The following DPY19L4 variants were observed in gnomAD, a reference collection of about 807,000 sequenced individuals.
The protein encoded by DPY19L4 is probable C-mannosyltransferase DPY19L4.
DPY19L4 carries 97 observed loss-of-function variants against 102.8 expected under a neutral mutation model. The ratio of observed to expected loss-of-function variants is 0.94; its 90% CI spans 0.80 to 1.12. The LOEUF (loss-of-function observed/expected upper bound fraction) is 1.12, where lower values mean the gene tolerates loss of function less well. Among genes scored for constraint, DPY19L4 ranks in the 50% most tolerant of loss-of-function variants. The probability of loss-of-function intolerance (pLI) is 0.00; values close to 1 mark genes in which losing one functional copy is unlikely to be tolerated. For synonymous variants in DPY19L4, 252 were observed against 283.1 expected, an observed-to-expected ratio of 0.89 and a Z score of 1.10; for missense variants, 815 against 850.4, an observed-to-expected ratio of 0.96 and a Z score of 0.52.
At chr8:94,767,223 A>G (rs1812712881) in intron 11 of DPY19L4, among the ~76,000 whole-genome samples, 1 of 151,828 alleles carries the variant, frequency 6.6e-6, no homozygotes, top group African/African-American at 2.4e-5. Context: ...TCCCACGGCT[A>G]GGGATTGAGG....
intron 14 of DPY19L4, among the ~76,000 whole-genome samples, chr8:94,780,058 C>A (rs904077815): frequency 6.6e-6 from 1 of 152,062 alleles, no homozygotes; most frequent in African/African-American, 2.4e-5. Flanking sequence ...AAATTTCTGG[C>A]AAATTTTTCA....
At chr8:94,766,892 C>A (rs989225490) in intron 11 of DPY19L4, among the ~76,000 whole-genome samples, 1 of 151,282 alleles carries the variant, frequency 6.6e-6, no homozygotes, top group Non-Finnish European at 1.5e-5. Flanking sequence ...AAAAAGACAA[C>A]CAAACAAACA....
chr8:94,738,216 G>C (rs1811273701), intron 3 of DPY19L4, among the ~76,000 whole-genome samples, 153 bp from the exon 4 acceptor site: 1 of 151,294 alleles, frequency 6.6e-6, no homozygotes, highest in Admixed American at 6.6e-5. Flanking sequence ...TACTCGGGAG[G>C]CTGAGGCAGG....
intron 13 of DPY19L4, among the ~76,000 whole-genome samples, chr8:94,773,871 C>CAAAAA (rs71273373): frequency 2.8e-5 from 2 of 70,450 alleles, no homozygotes; most frequent in Admixed American, 1.9e-4. Flanking sequence ...CCCATCTCTA[C>CAAAAA]AAAAAAAAAA....
chr8:94,723,139 T>C (rs1384169957), intron 1 of DPY19L4, among the ~76,000 whole-genome samples: 1 of 152,222 alleles, frequency 6.6e-6, no homozygotes, highest in East Asian at 1.9e-4. Context: ...CATCTTCATT[T>C]AGTTTGACTT....
In DPY19L4 at chr8:94,734,688, T is replaced by C; in HGVS notation, c.186T>C (p.Ser62=). 6.2e-7 allele frequency: 1 copy of C among 1,614,102 alleles called. No individual in the cohort carries two copies. Among genetic ancestry groups the C allele is most frequent in the Non-Finnish European group, 8.5e-7 (1 of 1,179,984 alleles). The change falls in exon 3 of 19, where the codon AGT becomes AGC. Residue 62 remains serine, a synonymous_variant. Transcript: ENST00000414645. ...IFIGCLAAVT[S]GMMYALYLSA... ...TTGGCTGTCTTGCAGCGGTTACTAG[T>C]GGTATGATGTATGCTCTCTACTTAT...
In DPY19L4 at chr8:94,768,441, C is replaced by A; in HGVS notation, c.1222C>A (p.Pro408Thr). 6.2e-7 allele frequency: 1 copy of A among 1,609,596 alleles called. No homozygotes were observed. The highest frequency in any genetic ancestry group is 1.1e-5 in the South Asian group (1 of 89,734). ...CCTCTGTCAAGAATCCCTGCAGGCA[C>A]CATCTCAAGATTTTTTTCTGCGATT... ...WLLCQESLQA[P>T]SQDFFLRLTQ... Residue 408 changes from proline to threonine, a missense_variant, in exon 12 of 19, where the codon CCA (proline) becomes ACA (threonine). Pro to Thr is a conservative substitution (Grantham distance 38, BLOSUM62 -1). Coordinates refer to ENST00000414645, the MANE Select transcript of DPY19L4 (RefSeq NM_181787.3).
chr8:94,770,940 A>G (rs1162619572), intron 13 of DPY19L4, among the ~76,000 whole-genome samples: 1 of 147,986 alleles, frequency 6.8e-6, no homozygotes, highest in African/African-American at 2.5e-5. Flanking sequence ...TTTTTTTTAG[A>G]ATCTCGCTCT....
chr8:94,781,413 A>G (rs1229791963), intron 16 of DPY19L4, among the ~76,000 whole-genome samples: 1 of 152,222 alleles, frequency 6.6e-6, no homozygotes, highest in African/African-American at 2.4e-5. Flanking sequence ...ACTTAGAAAT[A>G]TGGGATAAAA....
chr8:94,766,439 A>G (rs115260812), intron 10 of DPY19L4, among the ~76,000 whole-genome samples, 173 bp from the exon 11 acceptor site: 3,859 of 152,328 alleles, frequency 0.025, 171 homozygotes, highest in African/African-American at 0.088. Context: ...GCATAAGGTC[A>G]TGGGATTGAT....
intron 6 of DPY19L4, among the ~76,000 whole-genome samples, chr8:94,748,781 C>T (rs558589078): frequency 6.6e-5 from 10 of 152,104 alleles, no homozygotes; most frequent in Admixed American, 1.3e-4. Flanking sequence ...TTGTGAACTG[C>T]GCATTTGAGG....
chr8:94,731,547 C>A (rs1810954192), intron 2 of DPY19L4, among the ~76,000 whole-genome samples: 1 of 152,058 alleles, frequency 6.6e-6, no homozygotes, highest in Non-Finnish European at 1.5e-5. Flanking sequence ...CTCCCAGTAG[C>A]TGGGATTACA....
At chr8:94,786,844 G>A (rs7016709) in intron 17 of DPY19L4, among the ~76,000 whole-genome samples, 30,882 of 152,102 alleles carry the variant, frequency 0.2, 3,207 homozygotes, top group Admixed American at 0.24. Flanking sequence ...CACTGCGCCT[G>A]GCCAACCATA....
intron 8 of DPY19L4, among the ~76,000 whole-genome samples, chr8:94,763,322 G>GT (rs1477108812): frequency 9.5e-6 from 1 of 105,574 alleles, no homozygotes; most frequent in Non-Finnish European, 2.0e-5. Flanking sequence ...CTTTTTGTTT[G>GT]TTTTTTATTT....
Position 94,777,794 on chromosome 8 carries a change from AT to A in DPY19L4, c.1575+10del. 6.3e-7 allele frequency: 1 copy of A among 1,599,794 alleles called. No individual in the cohort carries two copies. Among genetic ancestry groups the A allele is most frequent in the East Asian group, 2.2e-5 (1 of 44,610 alleles). On this transcript the variant is annotated intron_variant, in intron 14 of 18. Transcript: ENST00000414645. The stretch of plus-strand genomic sequence containing the variant: ...GTACACCCAATATTGTTGGTGAGTC[AT>A]TATTTTGCATTGTTTCTCTTCTAAT...
At chr8:94,739,818 A>G (rs769745502) in intron 6 of DPY19L4, 28 bp downstream of exon 6, 1 of 1,608,822 alleles carries the variant, frequency 6.2e-7, no homozygotes, top group Non-Finnish European at 8.5e-7. Context: ...ATTGATTTTT[A>G]AAAACTTTTT....
chr8:94,760,137 T>TTCTA (rs1194096882), intron 7 of DPY19L4, among the ~76,000 whole-genome samples: 1 of 152,252 alleles, frequency 6.6e-6, no homozygotes, highest in Non-Finnish European at 1.5e-5. Context: ...TGATACGTAG[T>TTCTA]TCTATCTTTA....
At chr8:94,730,696 G>C (rs1332258742) in intron 2 of DPY19L4, among the ~76,000 whole-genome samples, 2 of 149,086 alleles carry the variant, frequency 1.3e-5, no homozygotes, top group Non-Finnish European at 3.0e-5. Context: ...AGTGAGTCGA[G>C]ATCACGCCAT....
At chr8:94,738,530 TC>T in intron 4 of DPY19L4, 71 bp downstream of exon 4, 1 of 845,954 alleles carries the variant, frequency 1.2e-6, no homozygotes, top group Non-Finnish European at 1.6e-6. Context: ...TTTTTTTTTT[TC>T]CGAGACGGAG....
Sources: allele counts gnomAD v4.1 joint callset (sites outside exome capture counted in the v4.1 genomes callset), GRCh38; gene constraint gnomAD v4.1.1; transcripts MANE v1.5; gene names NCBI Gene and HGNC (gene_info 2026-07-23, HGNC 2026-07-21).